GTF2IRD2B: variants seen among roughly 807,000 people sequenced by gnomAD.
GTF2IRD2B encodes GTF2I repeat domain containing 2B.
In GTF2IRD2B, 10 loss-of-function variants were observed where a neutral mutation model predicts 55.6. That is an observed-to-expected ratio of 0.18 (90% CI 0.11 to 0.31). GTF2IRD2B has a LOEUF of 0.31. Ranked by LOEUF, GTF2IRD2B falls within the 10% of genes least tolerant of loss-of-function variation. The pLI is 1.00. For synonymous variants in GTF2IRD2B, 107 were observed against 320.5 expected (o/e 0.33, Z 7.12); for missense variants, 206 against 802.7 (o/e 0.26, Z 8.98).
chr7:75,096,264 T>G (rs801052), intron 1 of GTF2IRD2B, among the ~76,000 whole-genome samples: 147 of 194 alleles, frequency 0.76, 53 homozygotes, highest in East Asian at 1. Context: ...CGTTTTTTTT[T>G]GGGGGGAAGG....
At chr7:75,092,873 C>T (rs1279854949) in intron 1 of GTF2IRD2B, 108 bp downstream of exon 1, 1 of 152,648 alleles carries the variant, frequency 6.6e-6, no homozygotes, top group African/African-American at 2.4e-5. Context: ...GCCGCCCGGC[C>T]GCAGCGGGAG....
rs1584554652 is a variant in GTF2IRD2B, at chr7:75,148,536, G to A, written c.2089G>A (p.Glu697Lys). The change falls in exon 16 of 16, where the codon GAG becomes AAG. Residue 697 changes from glutamate to lysine, a missense_variant. Physicochemically the swap from Glu to Lys is moderately conservative, Grantham distance 56. Coordinates refer to ENST00000472837, the MANE Select transcript of GTF2IRD2B (RefSeq NM_001003795.3). ...NHSEFTTLLY[E>K]LDSQYGSLLY... ...CAGCGAGTTCACAACCTTGCTCTATGAGCTGGACAGCCAGTATGGTAGCCT... is the reference window on the plus strand; with the variant it reads ...CAGCGAGTTCACAACCTTGCTCTATAAGCTGGACAGCCAGTATGGTAGCCT... 10 of 1,598,826 alleles carry A rather than the reference G, an allele frequency of 6.3e-6. No homozygotes were observed. The highest frequency in any genetic ancestry group is 6.8e-6 in the Non-Finnish European group (8 of 1,168,414).
Position 75,122,771 on chromosome 7 carries a change from T to C in GTF2IRD2B, c.359-365T>C, listed in dbSNP as rs1241907088. On this transcript the variant is annotated intron_variant, in intron 4 of 15. Coordinates refer to ENST00000472837, the MANE Select transcript of GTF2IRD2B (RefSeq NM_001003795.3). ...AAAACAAAAACAAAAAAAACTAGGC[T>C]GGGCTCAGTGGCTCGCCTGTTATCC... Among the ~76,000 whole-genome samples, 331 of 144,784 alleles carry C rather than the reference T, an allele frequency of 2.3e-3. 19 individuals are homozygous for C. The highest frequency in any genetic ancestry group is 2.3e-3 in the Non-Finnish European group (151 of 66,000). 95.0% of individuals were successfully genotyped at this position (144,784 alleles called of 152,430 possible).
chr7:75,143,718 T>C (rs1809077130), intron 14 of GTF2IRD2B, among the ~76,000 whole-genome samples: 1 of 149,344 alleles, frequency 6.7e-6, no homozygotes, highest in Non-Finnish European at 1.5e-5. Context: ...GGCAGGAGAA[T>C]GGCTTGAACC....
intron 8 of GTF2IRD2B, among the ~76,000 whole-genome samples, chr7:75,132,522 C>T (rs150286833): frequency 0.018 from 2,598 of 145,704 alleles, 140 homozygotes; most frequent in African/African-American, 0.066. Flanking sequence ...TTCACGATGC[C>T]TTCCTTCATC....
chr7:75,103,905 G>A (rs1405941360), intron 1 of GTF2IRD2B, among the ~76,000 whole-genome samples: 5 of 147,670 alleles, frequency 3.4e-5, no homozygotes, highest in East Asian at 2.0e-4. Flanking sequence ...GGTGGCACAC[G>A]CGTATAGTCC....
At chr7:75,106,307 G>A (rs1350539284) in intron 1 of GTF2IRD2B, among the ~76,000 whole-genome samples, 1 of 152,260 alleles carries the variant, frequency 6.6e-6, no homozygotes, top group East Asian at 1.9e-4. Flanking sequence ...GGAGGCTGAG[G>A]CAGGAGAATC....
At chr7:75,115,909 CTTTTCTTTCTTT>C (rs1428629334) in intron 3 of GTF2IRD2B, among the ~76,000 whole-genome samples, 22 of 128,480 alleles carry the variant, frequency 1.7e-4, no homozygotes, top group African/African-American at 5.4e-4. Context: ...TCTTTAATTT[CTTTTCTTTCTTT>C]TTTTTTTTTT....
chr7:75,117,577 G>C (rs1299617107), intron 3 of GTF2IRD2B, among the ~76,000 whole-genome samples: 1 of 152,298 alleles, frequency 6.6e-6, no homozygotes, highest in Non-Finnish European at 1.5e-5. Context: ...TTCCCAGCAA[G>C]TCTTATCGAA....
intron 3 of GTF2IRD2B, among the ~76,000 whole-genome samples, chr7:75,117,584 C>A (rs1364102800): frequency 6.6e-6 from 1 of 152,294 alleles, no homozygotes; most frequent in African/African-American, 2.4e-5. Context: ...CAAGTCTTAT[C>A]GAAGTCCCAG....
At chr7:75,123,811 G>A in intron 6 of GTF2IRD2B, 1 of 411,618 alleles carries the variant, frequency 2.4e-6, no homozygotes, top group South Asian at 2.1e-5. Flanking sequence ...CCGGGAGGTG[G>A]AGCTTGCAGT....
intron 8 of GTF2IRD2B, among the ~76,000 whole-genome samples, chr7:75,130,132 T>C: frequency 9.0e-6 from 1 of 111,402 alleles, no homozygotes; most frequent in Non-Finnish European, 1.9e-5. Flanking sequence ...TTTCTTTCTT[T>C]CTTTCTTTCT....
At chr7:75,121,954 G>A (rs1162500288) in intron 4 of GTF2IRD2B, among the ~76,000 whole-genome samples, 2 of 134,574 alleles carry the variant, frequency 1.5e-5, no homozygotes, top group East Asian at 2.1e-4. Context: ...TGGTAGAGAC[G>A]GGGTTTCATT....
intron 1 of GTF2IRD2B, among the ~76,000 whole-genome samples, chr7:75,106,797 AAAACATAGCT>A (rs1807820976): frequency 8.3e-6 from 1 of 120,888 alleles, no homozygotes; most frequent in African/African-American, 2.8e-5. Context: ...TCCCATATGC[AAAACATAGCT>A]GGGGCTACAC....
chr7:75,137,150 C>A (rs370560748), intron 11 of GTF2IRD2B, among the ~76,000 whole-genome samples: 16,646 of 148,990 alleles, frequency 0.11, 2,016 homozygotes, highest in African/African-American at 0.34. Flanking sequence ...TTGCAGTGAG[C>A]TGAGATCTCA....
Position 75,149,479 on chromosome 7 carries a change from C to T in GTF2IRD2B, c.*182C>T, listed in dbSNP as rs1386667126. The T allele has an allele frequency of 1.2e-4, 70 of 587,042 alleles. 1 individual carries two copies. The highest frequency in any genetic ancestry group is 1.9e-4 in the Non-Finnish European group (63 of 329,530). 36.4% of individuals were successfully genotyped at this position (587,042 alleles called of 1,614,324 possible). A position where few individuals can be genotyped will look rare whatever the true frequency, so the allele number is the denominator to read the frequency against. ...TACTGCAACTTCCAGCTCCTGGGTT[C>T]GAACGATTCTCCTGCCTCAGCCTCC... is the stretch of plus-strand genomic sequence containing the variant. On this transcript the variant is annotated 3_prime_UTR_variant, in exon 16 of 16. Transcript: ENST00000472837.
intron 1 of GTF2IRD2B, among the ~76,000 whole-genome samples, chr7:75,105,600 T>C (rs1316820537): frequency 1.3e-5 from 2 of 152,302 alleles, no homozygotes; most frequent in Non-Finnish European, 2.9e-5. Context: ...TTTATAAAAA[T>C]TTTTAACGAT....
intron 1 of GTF2IRD2B, among the ~76,000 whole-genome samples, chr7:75,101,620 T>C (rs1400134878): frequency 1.3e-5 from 2 of 150,184 alleles, no homozygotes; most frequent in Non-Finnish European, 3.0e-5. Context: ...GGGGTGGGCA[T>C]AGTGCCTCAC....
At chr7:75,117,852 G>A (rs1312112867) in intron 3 of GTF2IRD2B, among the ~76,000 whole-genome samples, 2 of 152,276 alleles carry the variant, frequency 1.3e-5, no homozygotes, top group Non-Finnish European at 2.9e-5. Flanking sequence ...GTAGGCTGAG[G>A]CTGGCGGATC....
Sources: gnomAD v4.1 joint callset for allele counts (sites outside exome capture counted in the v4.1 genomes callset) on GRCh38, gnomAD v4.1.1 for gene constraint, MANE v1.5 for transcripts, NCBI Gene and HGNC (gene_info 2026-07-23, HGNC 2026-07-21) for gene names.